FBXL4: variants seen among roughly 807,000 people sequenced by gnomAD.
The protein encoded by FBXL4 is F-box and leucine rich repeat protein 4, also known as F-box/LRR-repeat protein 4.
In FBXL4, 40 loss-of-function variants were observed where a neutral mutation model predicts 58.9. The observed-to-expected ratio is 0.68, with a 90% confidence interval of 0.53 to 0.88. The LOEUF (loss-of-function observed/expected upper bound fraction) is 0.88. FBXL4 is among the 40% of genes least tolerant of loss of function. FBXL4 has a pLI of 0.00. For synonymous variants in FBXL4, 263 were observed against 265.5 expected, an observed-to-expected ratio of 0.99 and a Z score of 0.09; for missense variants, 676 against 734.4, an observed-to-expected ratio of 0.92 and a Z score of 0.92.
chr6:98,883,430 A>G (rs1298698778), intron 7 of FBXL4, among the ~76,000 whole-genome samples: 5 of 152,006 alleles, frequency 3.3e-5, no homozygotes, highest in African/African-American at 9.7e-5. Context: ...ATATGACTAT[A>G]TTAAATGTGC....
chr6:98,879,990 T>TCTAGTC (rs752764787), intron 8 of FBXL4, among the ~76,000 whole-genome samples: 58 of 148,952 alleles, frequency 3.9e-4, no homozygotes, highest in Non-Finnish European at 7.6e-4. Context: ...TTGAAGCTTA[T>TCTAGTC]CTAGTCCAAC....
At chr6:98,937,797 T>C (rs1582456806) in intron 1 of FBXL4, among the ~76,000 whole-genome samples, 1 of 152,146 alleles carries the variant, frequency 6.6e-6, no homozygotes, top group Non-Finnish European at 1.5e-5. Flanking sequence ...CATAGAAGGG[T>C]CCATGTTGTA....
intron 5 of FBXL4, among the ~76,000 whole-genome samples, chr6:98,912,373 G>A (rs1034473020): frequency 5.3e-5 from 8 of 152,090 alleles, no homozygotes; most frequent in Admixed American, 5.2e-4. Context: ...ACACATAATT[G>A]TCAGATTCAC....
Position 98,883,862 on chromosome 6 carries a change from G to A in FBXL4, c.1318-3238C>T, listed in dbSNP as rs1462850326. Among the ~76,000 whole-genome samples, 6 of 151,156 alleles carry A rather than the reference G, an allele frequency of 4.0e-5. No homozygotes were observed. The East Asian group carries it at 1.2e-3, about 29-fold the overall frequency. ...CTCATTCTTCAAACATCTCTTAGCTGCTGTTGGCCCTTTGCTCTTTCATGT... is the reference window on the plus strand; with the variant it reads ...CTCATTCTTCAAACATCTCTTAGCTACTGTTGGCCCTTTGCTCTTTCATGT... On this transcript the variant is annotated intron_variant, in intron 7 of 9. Transcript: ENST00000369244.
At position 98,873,227 on chromosome 6, in the gene FBXL4, T is replaced by C. The variant is rs1242128653; in HGVS notation, c.*1051A>G. 1 of 147,666 alleles carries C rather than the reference T, an allele frequency of 6.8e-6. No individual in the cohort carries two copies. Among genetic ancestry groups the C allele is most frequent in the East Asian group, 1.9e-4 (1 of 5,130 alleles). The allele number at this position is 147,666 out of a possible 1,614,324, so 9.1% of individuals were successfully genotyped here. ...TATATAATATATATAATTATATATA[T>C]GTATATAATATATACATGTACATTA... On this transcript the variant is annotated 3_prime_UTR_variant, in exon 10 of 10. Transcript: ENST00000369244.
intron 1 of FBXL4, among the ~76,000 whole-genome samples, chr6:98,945,594 G>C (rs865927231): frequency 3.6e-4 from 54 of 152,098 alleles, no homozygotes; most frequent in African/African-American, 1.2e-3. Context: ...GGCTAATAAA[G>C]TTTTAAGTGT....
At chr6:98,907,867 G>T (rs994364632) in intron 5 of FBXL4, among the ~76,000 whole-genome samples, 8 of 152,070 alleles carry the variant, frequency 5.3e-5, no homozygotes, top group African/African-American at 1.9e-4. Flanking sequence ...TTTAAAGAGG[G>T]TGTAGCCAGA....
intron 8 of FBXL4, among the ~76,000 whole-genome samples, chr6:98,878,491 G>A (rs891820989): frequency 2.6e-5 from 4 of 151,944 alleles, no homozygotes; most frequent in East Asian, 1.9e-4. Context: ...ATAGGTTTGA[G>A]CAACCATACC....
At chr6:98,941,032 C>A (rs533615127) in intron 1 of FBXL4, among the ~76,000 whole-genome samples, 33 of 152,110 alleles carry the variant, frequency 2.2e-4, no homozygotes, top group Non-Finnish European at 4.7e-4. Flanking sequence ...AAGGTCCATC[C>A]GCCCTTACCA....
In FBXL4 at chr6:98,920,906, G is replaced by A. The variant is rs184921690; in HGVS notation, c.513-3187C>T. 4.6e-5 allele frequency among the ~76,000 whole-genome samples: 7 copies of A among 151,662 alleles called. No individual in the cohort carries two copies. The East Asian group carries it at 1.4e-3, about 29-fold the overall frequency. On this transcript the variant is annotated intron_variant, in intron 4 of 9. Coordinates refer to ENST00000369244, the MANE Select transcript of FBXL4 (RefSeq NM_001278716.2). ...AATTCTCTAGCCCCAGGGCAGTGTTGATATGATTAAACTCCTTTAAGTCAT... is the reference window on the plus strand; with the variant it reads ...AATTCTCTAGCCCCAGGGCAGTGTTAATATGATTAAACTCCTTTAAGTCAT...
intron 8 of FBXL4, among the ~76,000 whole-genome samples, chr6:98,878,325 T>C (rs1297070051): frequency 6.6e-6 from 1 of 152,010 alleles, no homozygotes; most frequent in Non-Finnish European, 1.5e-5. Context: ...AAAACACTGG[T>C]TTTAGCAAAG....
chr6:98,945,364 A>G (rs1773582767), intron 1 of FBXL4, among the ~76,000 whole-genome samples: 1 of 152,238 alleles, frequency 6.6e-6, no homozygotes, highest in African/African-American at 2.4e-5. Flanking sequence ...GATGTTTATC[A>G]ATTATTATTA....
rs765527736 is a variant in FBXL4, at chr6:98,899,500, A to T, written c.1104-19T>A. 12 of 1,601,518 alleles carry T rather than the reference A, an allele frequency of 7.5e-6. No individual in the cohort carries two copies. The South Asian group carries it at 1.2e-4, about 16-fold the overall frequency. On this transcript the variant is annotated intron_variant, in intron 6 of 9. Transcript: ENST00000369244. ...CAGAAACCTGCCAAAACAACATTCT[A>T]TGTGAATTTTATAAAACTAAAAGAT...
chr6:98,930,358 T>C (rs1344648245), intron 2 of FBXL4, among the ~76,000 whole-genome samples: 1 of 152,196 alleles, frequency 6.6e-6, no homozygotes, highest in South Asian at 2.1e-4. Context: ...GGGGCGGAAG[T>C]TGCAGTGAGC....
chr6:98,906,727 G>C (rs1771829909), intron 5 of FBXL4, among the ~76,000 whole-genome samples: 1 of 152,114 alleles, frequency 6.6e-6, no homozygotes, highest in African/African-American at 2.4e-5. Flanking sequence ...TCTAGTTCTA[G>C]ATCCCTGAGG....
intron 7 of FBXL4, among the ~76,000 whole-genome samples, chr6:98,882,581 G>C (rs1020076339): frequency 8.6e-5 from 13 of 151,492 alleles, no homozygotes; most frequent in Middle Eastern, 3.6e-3. Context: ...AACAAGTGTA[G>C]GGTCCAAAAG....
chr6:98,880,594 A>G lies in FBXL4; in HGVS notation c.1348T>C (p.Cys450Arg), dbSNP rs1308949374. Residue 450 changes from cysteine (C) to arginine (R), a missense_variant, in exon 8 of 10, where the codon TGT (cysteine) becomes CGT (arginine). Physicochemically the swap from Cys to Arg is radical, Grantham distance 180. Coordinates refer to ENST00000369244, the MANE Select transcript of FBXL4 (RefSeq NM_001278716.2). ...QTALLSILNFCSELQHLSLGS... is the reference protein window; with the variant it reads ...QTALLSILNFRSELQHLSLGS... ...AAACTGAGGTGCTGAAGCTCTGAACAGAAGTTCAAAATGCTGAGCAGTGCT... is the reference window on the plus strand; with the variant it reads ...AAACTGAGGTGCTGAAGCTCTGAACGGAAGTTCAAAATGCTGAGCAGTGCT... 2 of 1,613,920 alleles carry G rather than the reference A, an allele frequency of 1.2e-6. No homozygotes were observed. Among genetic ancestry groups the G allele is most frequent in the Admixed American group, 3.3e-5 (2 of 60,002 alleles).
rs185588605 is a variant in FBXL4 at position 98,911,125 on chromosome 6, G to T, written c.859-5455C>A. On this transcript the variant is annotated intron_variant, in intron 5 of 9. Coordinates refer to ENST00000369244, the MANE Select transcript of FBXL4 (RefSeq NM_001278716.2). ...CTGCAAGGTGGCAGCCTGGATGGGG[G>T]AGGGGCGCCTGCCATTGCCCAGGCT... Among the ~76,000 whole-genome samples, 782 of 152,320 alleles carry T rather than the reference G, an allele frequency of 5.1e-3. 8 individuals carry two copies. Among genetic ancestry groups the T allele is most frequent in the African/African-American group, 0.018 (736 of 41,570 alleles).
At chr6:98,903,419 C>T (rs1366326795) in intron 6 of FBXL4, among the ~76,000 whole-genome samples, 1 of 151,966 alleles carries the variant, frequency 6.6e-6, no homozygotes, top group East Asian at 1.9e-4. Context: ...TAAAGGAATG[C>T]CATCAAGATT....
Sources: gnomAD v4.1 joint callset for allele counts (sites outside exome capture counted in the v4.1 genomes callset) on GRCh38, gnomAD v4.1.1 for gene constraint, MANE v1.5 for transcripts, NCBI Gene and HGNC (gene_info 2026-07-23, HGNC 2026-07-21) for gene names.